CCDC184: variants seen among roughly 807,000 people sequenced by gnomAD.
The protein encoded by CCDC184 is coiled-coil domain containing 184.
In CCDC184, 11 loss-of-function variants were observed where a neutral mutation model predicts 10.4. The observed-to-expected ratio is 1.06, with a 90% confidence interval of 0.67 to 1.75. CCDC184 has a LOEUF of 1.75. Among genes scored for constraint, CCDC184 ranks in the 40% most tolerant of loss-of-function variants. CCDC184 has a pLI of 0.00. For missense variants in CCDC184, 264 were observed against 267.9 expected (o/e 0.99, Z 0.10); for synonymous variants, 102 against 116.1 (o/e 0.88, Z 0.78).
Position 48,184,387 on chromosome 12 carries a change from A to T in CCDC184, c.265A>T (p.Met89Leu), listed in dbSNP as rs1951487677. ...CGCCAACCAGCGAGCCATCGTCTCCATGTGCCAGATTATGACCACTGCGCC... is the reference window on the plus strand; with the variant it reads ...CGCCAACCAGCGAGCCATCGTCTCCTTGTGCCAGATTATGACCACTGCGCC... ...VCANQRAIVS[M>L]CQIMTTAPRQ... Residue 89 changes from methionine (M) to leucine (L), a missense_variant, in exon 1 of 1, where the codon ATG (methionine) becomes TTG (leucine). Physicochemically the swap from Met to Leu is conservative, Grantham distance 15. Coordinates refer to ENST00000316554, the MANE Select transcript of CCDC184 (RefSeq NM_001013635.4). 6.2e-7 allele frequency: 1 copy of T among 1,613,544 alleles called. No individual in the cohort carries two copies. The highest frequency in any genetic ancestry group is 8.5e-7 in the Non-Finnish European group (1 of 1,179,976).
At position 48,184,016 on chromosome 12, in the gene CCDC184, G is replaced by C. The variant is rs538666286; in HGVS notation, c.-107G>C. ...AGTCTCGGGAGCCTCCGCTTCCCTCGGCTCCCGCTAGCCCCTCCCGGGACC... is the reference window on the plus strand; with the variant it reads ...AGTCTCGGGAGCCTCCGCTTCCCTCCGCTCCCGCTAGCCCCTCCCGGGACC... On this transcript the variant is annotated 5_prime_UTR_variant, in exon 1 of 1. Coordinates refer to ENST00000316554, the MANE Select transcript of CCDC184 (RefSeq NM_001013635.4). The C allele has an allele frequency of 5.9e-4, 328 of 557,158 alleles. 6 individuals are homozygous for C. Among genetic ancestry groups the C allele is most frequent in the Non-Finnish European group, 1.1e-4 (37 of 339,632 alleles). The allele number at this position is 557,158 out of a possible 1,614,324, so 34.5% of individuals were successfully genotyped here.
rs547339961 is a variant in CCDC184 at position 48,183,967 on chromosome 12, C to G, written c.-156C>G. 6 of 616,468 alleles carry G rather than the reference C, an allele frequency of 9.7e-6. No individual in the cohort carries two copies. The highest frequency in any genetic ancestry group is 9.2e-5 in the African/African-American group (5 of 54,104). The allele number at this position is 616,468 out of a possible 1,614,324, so 38.2% of individuals were successfully genotyped here. On this transcript the variant is annotated 5_prime_UTR_variant, in exon 1 of 1. Coordinates refer to ENST00000316554, the MANE Select transcript of CCDC184 (RefSeq NM_001013635.4). Reference sequence around the variant, plus strand: ...CTGCCTGCGCCCTCTGCCCAGGACTCGTCTCTCACGTCGGCTCCCCGCCAG... The same window carrying G: ...CTGCCTGCGCCCTCTGCCCAGGACTGGTCTCTCACGTCGGCTCCCCGCCAG...
chr12:48,184,044 T>TCCCCCA lies in CCDC184; in HGVS notation c.-74_-73insACCCCC. On this transcript the variant is annotated 5_prime_UTR_variant, in exon 1 of 1. Transcript: ENST00000316554. Reference sequence around the variant, plus strand: ...TCCCGCTAGCCCCTCCCGGGACCTCTCCCCCTCCACCCCCTCCCCCACCCC... The same window carrying TCCCCCA: ...TCCCGCTAGCCCCTCCCGGGACCTCTCCCCCACCCCCTCCACCCCCTCCCCCACCCC... The TCCCCCA allele has an allele frequency of 1.5e-6, 1 of 652,398 alleles. No homozygotes were observed. The highest frequency in any genetic ancestry group is 2.4e-6 in the Non-Finnish European group (1 of 413,708). 40.4% of individuals were successfully genotyped at this position (652,398 alleles called of 1,614,324 possible).
Position 48,184,435 on chromosome 12 carries a change from G to A in CCDC184, c.313G>A (p.Val105Ile), listed in dbSNP as rs1157977155. 3 of 1,609,528 alleles carry A rather than the reference G, an allele frequency of 1.9e-6. No homozygotes were observed. Among genetic ancestry groups the A allele is most frequent in the Non-Finnish European group, 8.5e-7 (1 of 1,179,884 alleles). Residue 105 changes from valine (V) to isoleucine (I), a missense_variant, in exon 1 of 1, where the codon GTC (valine) becomes ATC (isoleucine). Coordinates refer to ENST00000316554, the MANE Select transcript of CCDC184 (RefSeq NM_001013635.4). The part of the protein sequence containing the change: ...TAPRQGGLGV[V>I]GGKGSFQSDP... Reference sequence around the variant, plus strand: ...GCCCCGCCAGGGCGGCTTGGGCGTGGTCGGCGGCAAGGGGAGCTTCCAGAG... The same window carrying A: ...GCCCCGCCAGGGCGGCTTGGGCGTGATCGGCGGCAAGGGGAGCTTCCAGAG...
chr12:48,184,443 C>T lies in CCDC184; in HGVS notation c.321C>T (p.Gly107=), dbSNP rs773641916. 6.2e-7 allele frequency: 1 copy of T among 1,608,368 alleles called. No individual in the cohort carries two copies. Among genetic ancestry groups the T allele is most frequent in the Non-Finnish European group, 8.5e-7 (1 of 1,179,810 alleles). ...PRQGGLGVVG[G]KGSFQSDPQE... is the part of the protein sequence containing the mutation. ...AGGGCGGCTTGGGCGTGGTCGGCGG[C>T]AAGGGGAGCTTCCAGAGCGACCCCC... is the stretch of plus-strand genomic sequence containing the variant. Residue 107 remains glycine (G), a synonymous_variant, in exon 1 of 1, where the codon GGC becomes GGT. Coordinates refer to ENST00000316554, the MANE Select transcript of CCDC184 (RefSeq NM_001013635.4).
Position 48,184,522 on chromosome 12 carries a change from G to T in CCDC184, c.400G>T (p.Asp134Tyr). ...CGGGGACAGCGGCTTGCTGGGTCGC[G>T]ATCCCGAGGACGAGGAGGAAGAGGA... ...GIGDSGLLGR[D>Y]PEDEEEEEEE... Residue 134 changes from aspartate to tyrosine, a missense_variant, in exon 1 of 1, where the codon GAT becomes TAT. By Grantham distance (160) the Asp-to-Tyr change is radical. Transcript: ENST00000316554. 1 of 1,580,724 alleles carries T rather than the reference G, an allele frequency of 6.3e-7. No homozygotes were observed. Among genetic ancestry groups the T allele is most frequent in the Middle Eastern group, 1.7e-4 (1 of 6,020 alleles).
At position 48,184,084 on chromosome 12, in the gene CCDC184, A is replaced by G. The variant is rs1592869796; in HGVS notation, c.-39A>G. 5.6e-6 allele frequency: 4 copies of G among 719,754 alleles called. No individual in the cohort carries two copies. The highest frequency in any genetic ancestry group is 6.5e-6 in the Non-Finnish European group (3 of 464,382). The allele number at this position is 719,754 out of a possible 1,614,324, so 44.6% of individuals were successfully genotyped here. A position where few individuals can be genotyped will look rare whatever the true frequency, so the allele number is the denominator to read the frequency against. On this transcript the variant is annotated 5_prime_UTR_variant, in exon 1 of 1. Coordinates refer to ENST00000316554, the MANE Select transcript of CCDC184 (RefSeq NM_001013635.4). ...TCCCCCACCCCGGAGGCCGGGCTGG[A>G]CGCGACCCAGAGCCTCCGCCACCCG... is the stretch of plus-strand genomic sequence containing the variant.
Position 48,184,736 on chromosome 12 carries a change from G to A in CCDC184, c.*29G>A, listed in dbSNP as rs1951491347. On this transcript the variant is annotated 3_prime_UTR_variant, in exon 1 of 1. Coordinates refer to ENST00000316554, the MANE Select transcript of CCDC184 (RefSeq NM_001013635.4). ...GACTCCGTGGGGCACTACCTTCCCG[G>A]GCTGTCTTTGGGTTTCCGAGTGCAT... 1.9e-6 allele frequency: 3 copies of A among 1,548,576 alleles called. No homozygotes were observed. The highest frequency in any genetic ancestry group is 2.6e-6 in the Non-Finnish European group (3 of 1,140,950).
chr12:48,184,224 G>C lies in CCDC184; in HGVS notation c.102G>C (p.Gly34=), dbSNP rs1389817548. 1.2e-6 allele frequency: 2 copies of C among 1,613,952 alleles called. No homozygotes were observed. Among genetic ancestry groups the C allele is most frequent in the Non-Finnish European group, 1.7e-6 (2 of 1,180,028 alleles). The stretch of plus-strand genomic sequence containing the variant: ...CGGCAGTGGGGGACGTGATCTCCGG[G>C]GAGTACAACGGCGGCATGAAGGAAC... ...TVPAVGDVIS[G]EYNGGMKELM... Residue 34 remains glycine, a synonymous_variant, in exon 1 of 1, where the codon GGG becomes GGC. Coordinates refer to ENST00000316554, the MANE Select transcript of CCDC184 (RefSeq NM_001013635.4).
Position 48,184,810 on chromosome 12 carries a change from G to A in CCDC184, c.*103G>A. On this transcript the variant is annotated 3_prime_UTR_variant, in exon 1 of 1. Transcript: ENST00000316554. The stretch of plus-strand genomic sequence containing the variant: ...CGGTGCGGCATGCTTCACTTGGACA[G>A]CTGCTCTTGTGGGTCAGGCAGAGAG... The A allele has an allele frequency of 1.1e-6, 1 of 880,754 alleles. No homozygotes were observed. The highest frequency in any genetic ancestry group is 1.7e-6 in the Non-Finnish European group (1 of 574,488). The allele number at this position is 880,754 out of a possible 1,614,324, so 54.6% of individuals were successfully genotyped here. A position where few individuals can be genotyped will look rare whatever the true frequency, so the allele number is the denominator to read the frequency against.
In CCDC184 at chr12:48,184,757, T is replaced by G. The variant is rs1358925317; in HGVS notation, c.*50T>G. The G allele has an allele frequency of 3.4e-6, 5 of 1,451,774 alleles. No homozygotes were observed. In the East Asian group the frequency reaches 1.2e-4, roughly 33 times the overall value. 89.9% of individuals were successfully genotyped at this position (1,451,774 alleles called of 1,614,324 possible). On this transcript the variant is annotated 3_prime_UTR_variant, in exon 1 of 1. Transcript: ENST00000316554. The stretch of plus-strand genomic sequence containing the variant: ...CCCGGGCTGTCTTTGGGTTTCCGAG[T>G]GCATGACGCGAGGGGGACTGAACGG...
chr12:48,184,441 G>T lies in CCDC184; in HGVS notation c.319G>T (p.Gly107Cys). 1.9e-6 allele frequency: 3 copies of T among 1,608,422 alleles called. No homozygotes were observed. The highest frequency in any genetic ancestry group is 2.5e-6 in the Non-Finnish European group (3 of 1,179,790). The change falls in exon 1 of 1, where the codon GGC becomes TGC. Residue 107 changes from glycine to cysteine, a missense_variant. Coordinates refer to ENST00000316554, the MANE Select transcript of CCDC184 (RefSeq NM_001013635.4). Reference sequence around the variant, plus strand: ...CCAGGGCGGCTTGGGCGTGGTCGGCGGCAAGGGGAGCTTCCAGAGCGACCC... The same window carrying T: ...CCAGGGCGGCTTGGGCGTGGTCGGCTGCAAGGGGAGCTTCCAGAGCGACCC... ...PRQGGLGVVG[G>C]KGSFQSDPQE... is the part of the protein sequence containing the mutation.
At position 48,184,900 on chromosome 12, in the gene CCDC184, C is replaced by A; in HGVS notation, c.*193C>A. On this transcript the variant is annotated 3_prime_UTR_variant, in exon 1 of 1. Transcript: ENST00000316554. ...GGGAGCATCGAGAATTCTTTCTGCC[C>A]AACTAAGCGAATTATAGCGAACTGC... 1.8e-6 allele frequency: 1 copy of A among 571,136 alleles called. No individual in the cohort carries two copies. Among genetic ancestry groups the A allele is most frequent in the African/African-American group, 1.9e-5 (1 of 53,458 alleles). 35.4% of individuals were successfully genotyped at this position (571,136 alleles called of 1,614,324 possible).
rs1299019325 is a variant in CCDC184, at chr12:48,184,938, C to T, written c.*231C>T. 2 of 519,594 alleles carry T rather than the reference C, an allele frequency of 3.8e-6. No homozygotes were observed. The highest frequency in any genetic ancestry group is 7.0e-6 in the Non-Finnish European group (2 of 284,622). The allele number at this position is 519,594 out of a possible 1,614,324, so 32.2% of individuals were successfully genotyped here. On this transcript the variant is annotated 3_prime_UTR_variant, in exon 1 of 1. Transcript: ENST00000316554. ...TATAGCGAACTGCGGAAAGGTGAGG[C>T]TCCGGGAGAGGAAGCGCCCATCTCT... is the stretch of plus-strand genomic sequence containing the variant.
Position 48,184,848 on chromosome 12 carries a change from G to C in CCDC184, c.*141G>C, listed in dbSNP as rs7486941. ...GTCAGGCAGAGAGAGACTCCCTCGAGGAAGGATTTGTAGGGTGAAGGACTT... is the reference window on the plus strand; with the variant it reads ...GTCAGGCAGAGAGAGACTCCCTCGACGAAGGATTTGTAGGGTGAAGGACTT... On this transcript the variant is annotated 3_prime_UTR_variant, in exon 1 of 1. Transcript: ENST00000316554. The C allele has an allele frequency of 0.34, 225,785 of 662,910 alleles. 42,025 individuals are homozygous for C. The highest frequency in any genetic ancestry group is 0.39 in the Non-Finnish European group (149,799 of 384,036). The allele number at this position is 662,910 out of a possible 1,614,324, so 41.1% of individuals were successfully genotyped here.
At position 48,184,814 on chromosome 12, in the gene CCDC184, C is replaced by T; in HGVS notation, c.*107C>T. ...GCGGCATGCTTCACTTGGACAGCTG[C>T]TCTTGTGGGTCAGGCAGAGAGAGAC... On this transcript the variant is annotated 3_prime_UTR_variant, in exon 1 of 1. Transcript: ENST00000316554. 2.1e-5 allele frequency: 17 copies of T among 829,060 alleles called. 2 individuals are homozygous for T. In the Middle Eastern group the frequency reaches 4.0e-3, roughly 197 times the overall value. 51.4% of individuals were successfully genotyped at this position (829,060 alleles called of 1,614,324 possible).
chr12:48,184,684 C>G lies in CCDC184; in HGVS notation c.562C>G (p.Leu188Val), dbSNP rs1288621065. ...CATGCCCGACATTACCCTGCTGCAACTGGAGGGCGAGGCCTCCCTGTGAGG... is the reference window on the plus strand; with the variant it reads ...CATGCCCGACATTACCCTGCTGCAAGTGGAGGGCGAGGCCTCCCTGTGAGG... The part of the protein sequence containing the change: ...LDMPDITLLQ[L>V]EGEASL Residue 188 changes from leucine to valine, a missense_variant, in exon 1 of 1, where the codon CTG (leucine) becomes GTG (valine). Leu to Val is a conservative substitution (Grantham distance 32, BLOSUM62 1). Coordinates refer to ENST00000316554, the MANE Select transcript of CCDC184 (RefSeq NM_001013635.4). 1 of 1,602,930 alleles carries G rather than the reference C, an allele frequency of 6.2e-7. No individual in the cohort carries two copies.
In CCDC184 at chr12:48,184,856, T is replaced by A; in HGVS notation, c.*149T>A. 1.6e-6 allele frequency: 1 copy of A among 642,722 alleles called. No individual in the cohort carries two copies. The highest frequency in any genetic ancestry group is 2.7e-6 in the Non-Finnish European group (1 of 366,322). The allele number at this position is 642,722 out of a possible 1,614,324, so 39.8% of individuals were successfully genotyped here. On this transcript the variant is annotated 3_prime_UTR_variant, in exon 1 of 1. Coordinates refer to ENST00000316554, the MANE Select transcript of CCDC184 (RefSeq NM_001013635.4). Reference sequence around the variant, plus strand: ...GAGAGAGACTCCCTCGAGGAAGGATTTGTAGGGTGAAGGACTTTGGGAGCA... The same window carrying A: ...GAGAGAGACTCCCTCGAGGAAGGATATGTAGGGTGAAGGACTTTGGGAGCA...
chr12:48,184,053 A>ACCCC lies in CCDC184; in HGVS notation c.-68_-65dup. Reference sequence around the variant, plus strand: ...CCCCTCCCGGGACCTCTCCCCCTCCACCCCCTCCCCCACCCCGGAGGCCGG... The same window carrying ACCCC: ...CCCCTCCCGGGACCTCTCCCCCTCCACCCCCCCCCTCCCCCACCCCGGAGGCCGG... On this transcript the variant is annotated 5_prime_UTR_variant, in exon 1 of 1. Transcript: ENST00000316554. 1.2e-5 allele frequency: 4 copies of ACCCC among 340,970 alleles called. No homozygotes were observed. The highest frequency in any genetic ancestry group is 5.3e-5 in the East Asian group (1 of 18,910). The allele number at this position is 340,970 out of a possible 1,614,324, so 21.1% of individuals were successfully genotyped here.
Sources: allele counts gnomAD v4.1 joint callset, GRCh38; gene constraint gnomAD v4.1.1; transcripts MANE v1.5; gene names NCBI Gene and HGNC (gene_info 2026-07-23, HGNC 2026-07-21).